Variants in RAB38 observed in about 807,000 individuals in gnomAD.
RAB38 encodes ras-related protein Rab-38.
In RAB38, 15 loss-of-function variants were observed where a neutral mutation model predicts 18.4. The observed-to-expected ratio is 0.82, with a 90% CI of 0.55 to 1.26. RAB38 has a LOEUF of 1.26. RAB38 is among the 50% of genes most tolerant of loss of function. The probability of loss-of-function intolerance (pLI) is 0.00; values close to 1 mark genes in which losing one functional copy is unlikely to be tolerated. For missense variants in RAB38, 294 were observed against 267.4 expected, an observed-to-expected ratio of 1.10 and a Z score of -0.69; for synonymous variants, 101 against 104.4, an observed-to-expected ratio of 0.97 and a Z score of 0.20.
chr11:88,126,165 G>A lies in RAB38; in HGVS notation c.484-12025C>T, dbSNP rs372619300. Among the ~76,000 whole-genome samples, 940 of 152,232 alleles carry A rather than the reference G, an allele frequency of 6.2e-3. 10 individuals carry two copies. The highest frequency in any genetic ancestry group is 0.022 in the African/African-American group (893 of 41,534). On this transcript the variant is annotated intron_variant, in intron 2 of 2. Coordinates refer to ENST00000243662, the MANE Select transcript of RAB38 (RefSeq NM_022337.3). ...CAGGTAGCGTGATGCCTCCAGCTTT[G>A]TTCTTTTGGCTTAGGATTGACTTGG... is the stretch of plus-strand genomic sequence containing the variant.
At chr11:87,978,081 G>C in the RAB38 span, among the ~76,000 whole-genome samples, 1 of 101,766 alleles carries the variant, frequency 9.8e-6, no homozygotes, top group African/African-American at 3.9e-5. Context: ...TAAATATATA[G>C]GTGTATATAT....
intron 2 of RAB38, among the ~76,000 whole-genome samples, chr11:88,148,232 G>C (rs1943016175): frequency 6.6e-6 from 1 of 152,182 alleles, no homozygotes; most frequent in African/African-American, 2.4e-5. Flanking sequence ...AGTGACAGAA[G>C]AGCAAGGAGA....
chr11:88,154,366 G>A (rs1943100012), intron 1 of RAB38, among the ~76,000 whole-genome samples: 1 of 152,182 alleles, frequency 6.6e-6, no homozygotes, highest in African/African-American at 2.4e-5. Context: ...TCAGCAGTAG[G>A]TGCTAGAAGT....
chr11:87,827,289 TA>T, the RAB38 span, among the ~76,000 whole-genome samples: 1,264 of 152,114 alleles, frequency 8.3e-3, 10 homozygotes, highest in Non-Finnish European at 0.012. Context: ...TTTTTATTTT[TA>T]TTATTTTTTT....
the RAB38 span, among the ~76,000 whole-genome samples, chr11:88,055,910 A>T: frequency 2.0e-5 from 3 of 152,194 alleles, no homozygotes; most frequent in African/African-American, 7.2e-5. Context: ...TCTAATGATG[A>T]ATACAACTTG....
chr11:87,978,200 T>TATATATTATATATGAAGATATA, the RAB38 span, among the ~76,000 whole-genome samples: 48 of 942 alleles, frequency 0.051, 3 homozygotes, highest in South Asian at 0.1. Context: ...AATATATAGG[T>TATATATTATATATGAAGATATA]GTNNNNNNNN....
the RAB38 span, among the ~76,000 whole-genome samples, chr11:88,069,091 C>A: frequency 6.6e-6 from 1 of 152,134 alleles, no homozygotes; most frequent in Non-Finnish European, 1.5e-5. Flanking sequence ...ACTGCGATTG[C>A]GGGCCAGGGC....
At chr11:88,149,061 A>G (rs549180324) in intron 2 of RAB38, among the ~76,000 whole-genome samples, 1 of 149,098 alleles carries the variant, frequency 6.7e-6, no homozygotes, top group South Asian at 2.1e-4. Flanking sequence ...ATCACACCAT[A>G]CAGGATCCTT....
chr11:87,910,807 A>G, the RAB38 span, among the ~76,000 whole-genome samples: 1 of 151,414 alleles, frequency 6.6e-6, no homozygotes, highest in East Asian at 2.0e-4. Flanking sequence ...CACCCAGCTA[A>G]TGTATTTTTA....
At chr11:87,890,483 C>T in the RAB38 span, among the ~76,000 whole-genome samples, 1 of 151,826 alleles carries the variant, frequency 6.6e-6, no homozygotes, top group African/African-American at 2.4e-5. Context: ...AATTCATATC[C>T]GATCCTTGTT....
chr11:87,893,390 A>ATATATATATATATATATATATATTTTTTT, the RAB38 span, among the ~76,000 whole-genome samples: 3 of 93,914 alleles, frequency 3.2e-5, no homozygotes, highest in Non-Finnish European at 4.1e-5. Flanking sequence ...ATATATATAT[A>ATATATATATATATATATATATATTTTTTT]TTTTTTTTTT....
At chr11:87,970,522 C>A in the RAB38 span, among the ~76,000 whole-genome samples, 1 of 152,076 alleles carries the variant, frequency 6.6e-6, no homozygotes, top group Non-Finnish European at 1.5e-5. Context: ...CCCCCAAGTT[C>A]CCGCCCTAGG....
the RAB38 span, among the ~76,000 whole-genome samples, chr11:88,021,625 C>A: frequency 6.7e-6 from 1 of 148,236 alleles, no homozygotes; most frequent in Non-Finnish European, 1.5e-5. Flanking sequence ...GAGTTTTGCT[C>A]CGTCACTCAG....
At chr11:87,968,990 C>T in the RAB38 span, among the ~76,000 whole-genome samples, 21 of 152,076 alleles carry the variant, frequency 1.4e-4, no homozygotes, top group Non-Finnish European at 2.6e-4. Context: ...AAAGATTAGA[C>T]GTCATCACTA....
chr11:87,898,567 C>T, the RAB38 span, among the ~76,000 whole-genome samples: 2 of 151,714 alleles, frequency 1.3e-5, no homozygotes, highest in African/African-American at 2.4e-5. Context: ...CTGAGCCTAA[C>T]ACCTGGCACA....
chr11:87,917,629 G>A, the RAB38 span, among the ~76,000 whole-genome samples: 2 of 147,746 alleles, frequency 1.4e-5, no homozygotes, highest in South Asian at 2.1e-4. Flanking sequence ...TATTGTTATC[G>A]GCACCAACAA....
At chr11:87,865,255 A>G in the RAB38 span, among the ~76,000 whole-genome samples, 804 of 151,850 alleles carry the variant, frequency 5.3e-3, 2 homozygotes, top group Non-Finnish European at 8.5e-3. Flanking sequence ...TGTAAATATG[A>G]TTAAAGTAAG....
the RAB38 span, among the ~76,000 whole-genome samples, chr11:87,906,806 A>G: frequency 6.6e-6 from 1 of 151,758 alleles, no homozygotes; most frequent in Non-Finnish European, 1.5e-5. Context: ...TTTATACACA[A>G]TTTTCTCTAG....
At chr11:87,868,608 A>AGAAG in the RAB38 span, among the ~76,000 whole-genome samples, 3,622 of 103,064 alleles carry the variant, frequency 0.035, 203 homozygotes, top group African/African-American at 0.082. Flanking sequence ...AGAGAGAGAG[A>AGAAG]GAGAGAGAGA....
Sources: gnomAD v4.1 joint callset for allele counts (sites outside exome capture counted in the v4.1 genomes callset) on GRCh38, gnomAD v4.1.1 for gene constraint, MANE v1.5 for transcripts, NCBI Gene and HGNC (gene_info 2026-07-23, HGNC 2026-07-21) for gene names.